DOP1B: variants seen among roughly 807,000 people sequenced by gnomAD.
DOP1B encodes protein DOP1B.
A neutral mutation model predicts 233.5 loss-of-function variants in DOP1B; 174 were observed. That is an observed-to-expected ratio of 0.75 (90% CI 0.66 to 0.85). DOP1B has a LOEUF of 0.85. Ranked by LOEUF, DOP1B falls within the 40% of genes least tolerant of loss-of-function variation. DOP1B has a pLI of 0.00. For synonymous variants in DOP1B, 1,190 were observed against 1,185.6 expected, an observed-to-expected ratio of 1.00 and a Z score of -0.08; for missense variants, 2,652 against 2,846.6, an observed-to-expected ratio of 0.93 and a Z score of 1.56.
chr21:36,238,653 G>A lies in DOP1B; in HGVS notation c.2828G>A (p.Arg943Lys). 5 of 1,614,210 alleles carry A rather than the reference G, an allele frequency of 3.1e-6. No homozygotes were observed. The highest frequency in any genetic ancestry group is 4.2e-6 in the Non-Finnish European group (5 of 1,180,026). ...TTTTCCGTGATCTGGCATCTGACAA[G>A]AGAGATCCAAGGCAGTCGAGTAACA... Reference protein sequence around the residue: ...FRFSVIWHLTREIQGSRVTSH... With the variant: ...FRFSVIWHLTKEIQGSRVTSH... Residue 943 changes from arginine to lysine, a missense_variant, in exon 17 of 37, where the codon AGA becomes AAA. Physicochemically the swap from Arg to Lys is conservative, Grantham distance 26 (BLOSUM62 2). Coordinates refer to ENST00000691173, the MANE Select transcript of DOP1B (RefSeq NM_001320714.2).
chr21:36,179,115 C>T (rs765724485), intron 2 of DOP1B, among the ~76,000 whole-genome samples: 14 of 152,228 alleles, frequency 9.2e-5, no homozygotes, highest in African/African-American at 3.1e-4. Flanking sequence ...AAAGCTACTT[C>T]GAGAGTCATT....
rs755719370 is a variant in DOP1B at position 36,246,388 on chromosome 21, C to T, written c.4408C>T (p.Arg1470Trp). 84 of 1,613,148 alleles carry T rather than the reference C, an allele frequency of 5.2e-5. No homozygotes were observed. Among genetic ancestry groups the T allele is most frequent in the Non-Finnish European group, 6.5e-5 (77 of 1,179,778 alleles). ...GGCGGAAAACCAGCCCGACCTGTCC[C>T]GGGAGTGGCAGAGAGCCCTGAACTT... ...EEAENQPDLS[R>W]EWQRALNFQQ... is the part of the protein sequence containing the mutation. Residue 1470 changes from arginine (R) to tryptophan (W), a missense_variant, in exon 19 of 37, where the codon CGG (arginine) becomes TGG (tryptophan). Arg to Trp is a moderately radical substitution (Grantham distance 101). Transcript: ENST00000691173. This position sits in a 1 kb window ranked among gnomAD's most constrained non-coding sequence, Gnocchi z 5.1.
Position 36,281,465 on chromosome 21 carries a change from T to C in DOP1B, c.6032-18T>C. On this transcript the variant is annotated intron_variant, in intron 31 of 36. Coordinates refer to ENST00000691173, the MANE Select transcript of DOP1B (RefSeq NM_001320714.2). The stretch of plus-strand genomic sequence containing the variant: ...TGTGGTTTTCTCACTAAGTAAAACA[T>C]TGCTGTATTTATTCTAGACATGCAG... 1 of 1,573,738 alleles carries C rather than the reference T, an allele frequency of 6.4e-7. No homozygotes were observed. The highest frequency in any genetic ancestry group is 8.7e-7 in the Non-Finnish European group (1 of 1,149,952).
intron 2 of DOP1B, among the ~76,000 whole-genome samples, chr21:36,185,903 T>A (rs2066160176): frequency 6.6e-6 from 1 of 152,170 alleles, no homozygotes; most frequent in South Asian, 2.1e-4. Context: ...GCCTTGTGTT[T>A]TAAAAAGTAA....
At chr21:36,292,312 A>G in intron 36 of DOP1B, 79 bp downstream of exon 36, 1 of 1,219,856 alleles carries the variant, frequency 8.2e-7, no homozygotes, top group Non-Finnish European at 1.1e-6. Flanking sequence ...GTTAGAGTGC[A>G]GTGGTGCGGT....
chr21:36,241,793 A>G (rs945360221), intron 18 of DOP1B, among the ~76,000 whole-genome samples: 1 of 146,846 alleles, frequency 6.8e-6, no homozygotes. Context: ...CTCCCGCCTC[A>G]GCCTCCTAAA....
intron 27 of DOP1B, among the ~76,000 whole-genome samples, chr21:36,271,263 T>TCACCCAGGTTGGAGTG (rs1419788312): frequency 1.1e-5 from 1 of 90,454 alleles, no homozygotes; most frequent in African/African-American, 6.6e-5. Context: ...AGGTTGGAGT[T>TCACCCAGGTTGGAGTG]CACCCAGGTT....
chr21:36,245,546 C>A lies in DOP1B; in HGVS notation c.3566C>A (p.Ser1189Tyr). 1 of 1,613,564 alleles carries A rather than the reference C, an allele frequency of 6.2e-7. No individual in the cohort carries two copies. The highest frequency in any genetic ancestry group is 8.5e-7 in the Non-Finnish European group (1 of 1,180,018). Reference sequence around the variant, plus strand: ...GTGGACTCGGACAAGACGCAGGCTTCTGAGTCGTTCTCCAGCGACGAGGAG... The same window carrying A: ...GTGGACTCGGACAAGACGCAGGCTTATGAGTCGTTCTCCAGCGACGAGGAG... ...VRVDSDKTQA[S>Y]ESFSSDEEAD... The change falls in exon 19 of 37, where the codon TCT becomes TAT. Residue 1189 changes from serine to tyrosine, a missense_variant. This residue lies in a region of DOP1B where 2,617 missense variants were observed against 2,794.3 expected (regional missense o/e 0.94). Transcript: ENST00000691173. The surrounding 1 kb of genome is among the most constrained non-coding windows in gnomAD (Gnocchi z 5.5).
At chr21:36,227,337 G>A (rs2066700536) in intron 12 of DOP1B, among the ~76,000 whole-genome samples, 1 of 151,926 alleles carries the variant, frequency 6.6e-6, no homozygotes, top group African/African-American at 2.4e-5. Context: ...CACAAAGTCA[G>A]GAGATCGAGA....
At chr21:36,250,939 C>T (rs565799873) in intron 21 of DOP1B, among the ~76,000 whole-genome samples, 4 of 152,336 alleles carry the variant, frequency 2.6e-5, no homozygotes, top group African/African-American at 4.8e-5. Context: ...CCCCTTCCCC[C>T]CGCCGGCATG....
chr21:36,207,807 A>G (rs2123486875), intron 4 of DOP1B, among the ~76,000 whole-genome samples: 1 of 152,244 alleles, frequency 6.6e-6, no homozygotes, highest in East Asian at 1.9e-4. Flanking sequence ...TCGTGGGGTG[A>G]TATCCCTTAG....
At chr21:36,173,059 G>T (rs996790702) in intron 2 of DOP1B, among the ~76,000 whole-genome samples, 11 of 151,910 alleles carry the variant, frequency 7.2e-5, no homozygotes, top group Non-Finnish European at 1.6e-4. Flanking sequence ...GGCAGAGGTT[G>T]CAGTGAGCCA....
intron 18 of DOP1B, among the ~76,000 whole-genome samples, chr21:36,243,088 G>A (rs1184773978): frequency 1.3e-5 from 2 of 150,412 alleles, no homozygotes; most frequent in South Asian, 2.1e-4. Flanking sequence ...CAAGCCATTC[G>A]CCTGCCTCAG....
chr21:36,235,680 A>G (rs1387902528), intron 15 of DOP1B, among the ~76,000 whole-genome samples: 1 of 152,168 alleles, frequency 6.6e-6, no homozygotes, highest in East Asian at 1.9e-4. Context: ...GTGAGTTGAC[A>G]TCGTGCCACT....
Position 36,201,345 on chromosome 21 carries a change from C to CTTTTTTTTTTTT in DOP1B, c.491+853_491+864dup, listed in dbSNP as rs1172730528. On this transcript the variant is annotated intron_variant, in intron 4 of 36. Coordinates refer to ENST00000691173, the MANE Select transcript of DOP1B (RefSeq NM_001320714.2). ...TCTATTCCACTGTATCTATTGGATT[C>CTTTTTTTTTTTT]TTTTTTTTTTTTTTTTTTTTGAGAC... 2.9e-3 allele frequency among the ~76,000 whole-genome samples: 239 copies of CTTTTTTTTTTTT among 83,242 alleles called. 26 individuals are homozygous for CTTTTTTTTTTTT. The Middle Eastern group carries it at 0.033, about 11-fold the overall frequency. The allele number at this position is 83,242 out of a possible 152,430, so 54.6% of individuals were successfully genotyped here. A position where few individuals can be genotyped will look rare whatever the true frequency, so the allele number is the denominator to read the frequency against.
intron 21 of DOP1B, among the ~76,000 whole-genome samples, chr21:36,250,951 C>T (rs1286150579): frequency 1.3e-5 from 2 of 152,206 alleles, no homozygotes; most frequent in African/African-American, 4.8e-5. Flanking sequence ...GCCGGCATGA[C>T]ACGCCAACAT....
intron 1 of DOP1B, among the ~76,000 whole-genome samples, chr21:36,162,387 G>A (rs2065877122): frequency 6.6e-6 from 1 of 152,134 alleles, no homozygotes; most frequent in Non-Finnish European, 1.5e-5. Flanking sequence ...TAGAGATGGG[G>A]TTTCACCATG....
At position 36,200,444 on chromosome 21, in the gene DOP1B, AGGCCTTCATCGTGGGCCTGCTGCCC is replaced by A. The variant is rs1268230316; in HGVS notation, c.441_465del (p.Phe147LeufsTer16). On this transcript the variant is annotated frameshift_variant, in exon 4 of 37. Transcript: ENST00000691173. LOFTEE classifies it high-confidence loss of function. ...CAGAAGCTGCTCCTGCCCAGTCTGC[AGGCCTTCATCGTGGGCCTGCTGCCC>A]GGCCTTGAAGAGGGCTCCGAGATCT... is the stretch of plus-strand genomic sequence containing the variant. 3 of 1,613,210 alleles carry A rather than the reference AGGCCTTCATCGTGGGCCTGCTGCCC, an allele frequency of 1.9e-6. No individual in the cohort carries two copies. Among genetic ancestry groups the A allele is most frequent in the Non-Finnish European group, 1.7e-6 (2 of 1,180,020 alleles).
At chr21:36,250,535 C>G (rs571473236) in intron 21 of DOP1B, among the ~76,000 whole-genome samples, 3 of 152,106 alleles carry the variant, frequency 2.0e-5, no homozygotes, top group Non-Finnish European at 4.4e-5. Flanking sequence ...GATTTAACTA[C>G]GGTGGGCACT....
Sources: gnomAD v4.1 joint callset for allele counts (sites outside exome capture counted in the v4.1 genomes callset) on GRCh38, gnomAD v4.1.1 for gene constraint, gnomAD v4.1.1 regional missense constraint, Gnocchi (gnomAD v3.1) non-coding constraint, MANE v1.5 for transcripts, NCBI Gene and HGNC (gene_info 2026-07-23, HGNC 2026-07-21) for gene names.